The following SV2C variants were observed in gnomAD, a reference collection of about 807,000 sequenced individuals.
SV2C encodes the protein synaptic vesicle glycoprotein 2C.
SV2C carries 49 observed loss-of-function variants against 79.7 expected under a neutral mutation model. The ratio of observed to expected loss-of-function variants is 0.61; its 90% CI spans 0.49 to 0.78. SV2C has a LOEUF of 0.78. Ranked by LOEUF, SV2C falls within the 30% of genes least tolerant of loss-of-function variation. SV2C has a pLI of 0.00. For missense variants in SV2C, 833 were observed against 912.9 expected, an observed-to-expected ratio of 0.91 and a Z score of 1.13; for synonymous variants, 334 against 333.2, an observed-to-expected ratio of 1.00 and a Z score of -0.03.
intron 12 of SV2C, among the ~76,000 whole-genome samples, chr5:76,343,606 T>C (rs1749485025): frequency 6.6e-6 from 1 of 152,190 alleles, no homozygotes; most frequent in Non-Finnish European, 1.5e-5. Context: ...CTCCCACTGC[T>C]GAGGAGGGGG....
chr5:76,083,068 A>T (rs1457634147), upstream of SV2C: 1 of 152,394 alleles, frequency 6.6e-6, no homozygotes, highest in African/African-American at 2.4e-5. Context: ...CACCTGCTAC[A>T]AACTCAGAGC....
At chr5:76,071,719 G>T in the SV2C span, among the ~76,000 whole-genome samples, 1 of 152,212 alleles carries the variant, frequency 6.6e-6, no homozygotes, top group Non-Finnish European at 1.5e-5. Context: ...TTAATAGCTA[G>T]ATCATGTAGG....
At chr5:75,933,788 C>T in the SV2C span, among the ~76,000 whole-genome samples, 2 of 152,198 alleles carry the variant, frequency 1.3e-5, no homozygotes, top group East Asian at 3.9e-4. Flanking sequence ...TGTCTATCAT[C>T]TGTCCAAGCT....
the SV2C span, among the ~76,000 whole-genome samples, chr5:75,999,524 G>T: frequency 6.6e-6 from 1 of 152,094 alleles, no homozygotes; most frequent in Admixed American, 6.6e-5. Flanking sequence ...CGTGTCCAAA[G>T]CCTGAAAAGT....
chr5:76,318,769 A>G (rs1748721029), intron 12 of SV2C, among the ~76,000 whole-genome samples: 1 of 152,254 alleles, frequency 6.6e-6, no homozygotes, highest in Non-Finnish European at 1.5e-5. Context: ...GAAGCAAAGC[A>G]TGGAGCAATA....
chr5:75,879,442 A>C, the SV2C span, among the ~76,000 whole-genome samples: 2 of 152,194 alleles, frequency 1.3e-5, no homozygotes, highest in African/African-American at 4.8e-5. Flanking sequence ...AAGAGTGGCC[A>C]AAAGAAAAGA....
Position 76,158,365 on chromosome 5 carries a change from T to G in SV2C, c.580+26035T>G, listed in dbSNP as rs146008509. Among the ~76,000 whole-genome samples the G allele has an allele frequency of 1.2e-3, 175 of 151,244 alleles. 1 individual carries two copies. The highest frequency in any genetic ancestry group is 4.1e-3 in the African/African-American group (168 of 41,254). On this transcript the variant is annotated intron_variant, in intron 2 of 12. Transcript: ENST00000502798. The stretch of plus-strand genomic sequence containing the variant: ...TAAAAGGAAAGGAAAAGATATACCA[T>G]GTAAACAGCACCCACAAGAAAGCTG...
intron 6 of SV2C, among the ~76,000 whole-genome samples, chr5:76,289,839 G>A (rs1163481369): frequency 6.6e-6 from 1 of 152,184 alleles, no homozygotes; most frequent in Non-Finnish European, 1.5e-5. Context: ...AGTTCCTGAA[G>A]CCTCTCTCTC....
the SV2C span, among the ~76,000 whole-genome samples, chr5:75,861,907 A>T: frequency 6.6e-6 from 1 of 152,200 alleles, no homozygotes; most frequent in South Asian, 2.1e-4. Flanking sequence ...CACACCCCAG[A>T]CTTCAGCATC....
the SV2C span, among the ~76,000 whole-genome samples, chr5:75,964,563 AG>A: frequency 6.6e-6 from 1 of 152,042 alleles, no homozygotes; most frequent in Non-Finnish European, 1.5e-5. Context: ...TCAGTCTCTT[AG>A]ACTCTTAGTC....
At chr5:75,877,976 G>GA in the SV2C span, among the ~76,000 whole-genome samples, 1 of 150,980 alleles carries the variant, frequency 6.6e-6, no homozygotes, top group Admixed American at 6.6e-5. Flanking sequence ...TTGAAGTGAT[G>GA]AAAATGTTCT....
the SV2C span, among the ~76,000 whole-genome samples, chr5:76,003,013 G>T: frequency 6.6e-5 from 10 of 152,212 alleles, no homozygotes; most frequent in African/African-American, 1.9e-4. Context: ...GAATCATGGG[G>T]GTTGTTTCCC....
At chr5:76,234,024 A>G (rs1313331934) in intron 4 of SV2C, among the ~76,000 whole-genome samples, 6 of 152,186 alleles carry the variant, frequency 3.9e-5, no homozygotes, top group Non-Finnish European at 5.9e-5. Context: ...ATGGAGGGAC[A>G]AGCTCTTTTA....
chr5:76,197,475 C>G (rs1744301011), intron 3 of SV2C, among the ~76,000 whole-genome samples: 1 of 152,040 alleles, frequency 6.6e-6, no homozygotes, highest in Admixed American at 6.6e-5. Flanking sequence ...AAGTTAATCT[C>G]TATAATAAAT....
At chr5:75,948,076 A>G in the SV2C span, among the ~76,000 whole-genome samples, 1 of 152,008 alleles carries the variant, frequency 6.6e-6, no homozygotes, top group Non-Finnish European at 1.5e-5. Flanking sequence ...TTTAGATAAA[A>G]TGGCCTTATC....
At chr5:76,036,436 C>G in the SV2C span, among the ~76,000 whole-genome samples, 2 of 151,866 alleles carry the variant, frequency 1.3e-5, no homozygotes, top group East Asian at 1.9e-4. Context: ...TTAGGGCAGG[C>G]CTGGTGGTGA....
chr5:76,189,814 C>A (rs1744039489), intron 2 of SV2C, among the ~76,000 whole-genome samples: 1 of 152,172 alleles, frequency 6.6e-6, no homozygotes, highest in East Asian at 1.9e-4. Flanking sequence ...TGATTTTTCT[C>A]AGTCTTTTTT....
the SV2C span, among the ~76,000 whole-genome samples, chr5:75,859,198 C>T: frequency 6.6e-6 from 1 of 152,066 alleles, no homozygotes; most frequent in African/African-American, 2.4e-5. Context: ...TGACTGAGCC[C>T]ATAAAACTAA....
the SV2C span, chr5:75,910,461 G>T: frequency 1.7e-6 from 1 of 601,064 alleles, no homozygotes; most frequent in South Asian, 1.5e-5. Flanking sequence ...GCTGCACTAA[G>T]GAAGTTCTTG....
Sources: allele counts gnomAD v4.1 joint callset (sites outside exome capture counted in the v4.1 genomes callset), GRCh38; gene constraint gnomAD v4.1.1; transcripts MANE v1.5; gene names NCBI Gene and HGNC (gene_info 2026-07-23, HGNC 2026-07-21).